Variants in CADPS observed in about 807,000 individuals in gnomAD.
The protein encoded by CADPS is calcium-dependent secretion activator 1.
Under a neutral mutation model 167.3 loss-of-function variants are expected in CADPS, and 57 were observed. That is an observed-to-expected ratio of 0.34 (90% CI 0.28 to 0.42). The LOEUF (loss-of-function observed/expected upper bound fraction) is 0.42. Among genes scored for constraint, CADPS ranks in the 20% least tolerant of loss-of-function variants. The pLI, the probability that CADPS is intolerant of heterozygous loss-of-function variation, is 1.00. For synonymous variants in CADPS, 676 were observed against 635.3 expected, an observed-to-expected ratio of 1.06 and a Z score of -0.96; for missense variants, 1,414 against 1,738.1, an observed-to-expected ratio of 0.81 and a Z score of 3.32.
chr3:62,765,858 C>A lies in CADPS; in HGVS notation c.555+13G>T. On this transcript the variant is annotated intron_variant, in intron 2 of 29. Coordinates refer to ENST00000383710, the MANE Select transcript of CADPS (RefSeq NM_003716.4). Reference sequence around the variant, plus strand: ...TGAGTGGTCTTGGCATTCTTCTGAACAGTGATTCTCACCTCATAGTAACTC... The same window carrying A: ...TGAGTGGTCTTGGCATTCTTCTGAAAAGTGATTCTCACCTCATAGTAACTC... 1 of 1,564,408 alleles carries A rather than the reference C, an allele frequency of 6.4e-7. No homozygotes were observed.
At chr3:62,507,500 G>A (rs2066910952) in intron 17 of CADPS, among the ~76,000 whole-genome samples, 1 of 151,984 alleles carries the variant, frequency 6.6e-6, no homozygotes, top group Non-Finnish European at 1.5e-5. Flanking sequence ...ATAGCTCCTG[G>A]AACCTAGTGG....
intron 4 of CADPS, 107 bp from the exon 5 acceptor site, chr3:62,651,187 G>A (rs2070028678): frequency 2.7e-6 from 2 of 745,628 alleles, no homozygotes; most frequent in South Asian, 1.8e-5. Flanking sequence ...TACTACTAGT[G>A]AAATTCACCC....
chr3:62,705,065 A>T (rs908128807), intron 3 of CADPS, among the ~76,000 whole-genome samples: 3 of 152,128 alleles, frequency 2.0e-5, no homozygotes, highest in Non-Finnish European at 4.4e-5. Context: ...AACCTGGGTT[A>T]AAAGTAACAT....
chr3:62,698,819 A>G (rs1384404594), intron 3 of CADPS, among the ~76,000 whole-genome samples: 2 of 133,566 alleles, frequency 1.5e-5, no homozygotes, highest in Non-Finnish European at 3.0e-5. Flanking sequence ...TGCTCACTGC[A>G]GCCTTGGCCT....
In CADPS at chr3:62,474,236, A is replaced by C. The variant is rs112585082; in HGVS notation, c.3414T>G (p.Phe1138Leu). 2 of 1,604,212 alleles carry C rather than the reference A, an allele frequency of 1.2e-6. No individual in the cohort carries two copies. Among genetic ancestry groups the C allele is most frequent in the African/African-American group, 2.8e-5 (2 of 71,932 alleles). ...GAGCTTTGGCATCAACCATAACATT[A>C]AACATGGTGCATATTGACTGTGGGA... is the stretch of plus-strand genomic sequence containing the variant. ...FRVPQSICTMFNVMVDAKAQS... is the reference protein window; with the variant it reads ...FRVPQSICTMLNVMVDAKAQS... The change falls in exon 24 of 30, where the codon TTT becomes TTG. Residue 1138 changes from phenylalanine (F) to leucine (L), a missense_variant. Around this residue, in one of 6 missense-constraint regions of CADPS, gnomAD observed 19 missense variants for 49.4 expected, o/e 0.38. Coordinates refer to ENST00000383710, the MANE Select transcript of CADPS (RefSeq NM_003716.4).
At chr3:62,645,955 G>A (rs2068461955) in intron 5 of CADPS, 112 bp from the exon 6 acceptor site, 1 of 1,208,622 alleles carries the variant, frequency 8.3e-7, no homozygotes, top group Admixed American at 2.0e-5. Flanking sequence ...GTATCTGATG[G>A]CTTCTGTTAG....
intron 11 of CADPS, among the ~76,000 whole-genome samples, chr3:62,541,118 T>C (rs1480752632): frequency 6.6e-6 from 1 of 152,170 alleles, no homozygotes; most frequent in Non-Finnish European, 1.5e-5. Context: ...GGGAGATGCA[T>C]CCTAATGCTC....
intron 28 of CADPS, among the ~76,000 whole-genome samples, chr3:62,415,996 A>G (rs914286655): frequency 6.6e-6 from 1 of 151,886 alleles, no homozygotes; most frequent in Admixed American, 6.6e-5. Flanking sequence ...CATTCAAAAG[A>G]GTCTTAACAA....
At chr3:62,517,108 T>A (rs2069177888) in intron 14 of CADPS, among the ~76,000 whole-genome samples, 1 of 152,146 alleles carries the variant, frequency 6.6e-6, no homozygotes, top group African/African-American at 2.4e-5. Flanking sequence ...CTTCCCTGCT[T>A]GCGGTTTCCT....
intron 6 of CADPS, among the ~76,000 whole-genome samples, chr3:62,594,005 C>T (rs1305162596): frequency 6.6e-6 from 1 of 152,042 alleles, no homozygotes; most frequent in Non-Finnish European, 1.5e-5. Context: ...TGAAAGATGC[C>T]AAATATAATG....
rs550933376 is a variant in CADPS, at chr3:62,601,848, A to T, written c.1326-9100T>A. ...CACCACTTTGAAAGTGAACACTTTG[A>T]TCTGGGGGAGAAAATGAGGGAGAAG... On this transcript the variant is annotated intron_variant, in intron 6 of 29. Transcript: ENST00000383710. This position sits in a 1 kb window ranked among gnomAD's most constrained non-coding sequence, Gnocchi z 4.3. Among the ~76,000 whole-genome samples, 1 of 152,320 alleles carries T rather than the reference A, an allele frequency of 6.6e-6. No homozygotes were observed. The highest frequency in any genetic ancestry group is 2.1e-4 in the South Asian group (1 of 4,822).
rs3733119 is a variant in CADPS at position 62,589,738 on chromosome 3, G to A, written c.1437+2899C>T. On this transcript the variant is annotated intron_variant, in intron 7 of 29. Coordinates refer to ENST00000383710, the MANE Select transcript of CADPS (RefSeq NM_003716.4). Reference sequence around the variant, plus strand: ...CTTGATCGCTCTGGAGAGGTCTCCCGCTTTCCATGGGAGCAAGTTTTCTCA... The same window carrying A: ...CTTGATCGCTCTGGAGAGGTCTCCCACTTTCCATGGGAGCAAGTTTTCTCA... 6.6e-4 allele frequency among the ~76,000 whole-genome samples: 100 copies of A among 152,246 alleles called. 1 individual carries two copies. The East Asian group carries it at 0.018, about 28-fold the overall frequency.
At position 62,467,168 on chromosome 3, in the gene CADPS, C is replaced by A. The variant is rs1417289470; in HGVS notation, c.3478-755G>T. 4 of 323,818 alleles carry A rather than the reference C, an allele frequency of 1.2e-5. No individual in the cohort carries two copies. The South Asian group carries it at 1.7e-4, about 13-fold the overall frequency. The allele number at this position is 323,818 out of a possible 1,614,324, so 20.1% of individuals were successfully genotyped here. A position where few individuals can be genotyped will look rare whatever the true frequency, so the allele number is the denominator to read the frequency against. ...AGGGAAAAAGGAAAAGTGATTTTAACACAAAATATTATATGCCAGCTCCTT... is the reference window on the plus strand; with the variant it reads ...AGGGAAAAAGGAAAAGTGATTTTAAAACAAAATATTATATGCCAGCTCCTT... On this transcript the variant is annotated intron_variant, in intron 24 of 29. Coordinates refer to ENST00000383710, the MANE Select transcript of CADPS (RefSeq NM_003716.4).
At chr3:62,435,455 C>T (rs537078997) in intron 28 of CADPS, among the ~76,000 whole-genome samples, 1 of 152,314 alleles carries the variant, frequency 6.6e-6, no homozygotes, top group East Asian at 1.9e-4. Flanking sequence ...AATTAAATTA[C>T]TAAGGCTGCA....
chr3:62,844,926 C>T (rs890342998), intron 1 of CADPS, among the ~76,000 whole-genome samples: 18 of 152,054 alleles, frequency 1.2e-4, no homozygotes, highest in African/African-American at 4.3e-4. Flanking sequence ...TTGGCTAGAC[C>T]ACAGGGTCTT....
At chr3:62,791,427 T>A (rs558711917) in intron 1 of CADPS, among the ~76,000 whole-genome samples, 1 of 152,326 alleles carries the variant, frequency 6.6e-6, no homozygotes, top group South Asian at 2.1e-4. Context: ...ACCAGCAGCA[T>A]CAGCATTATC....
intron 28 of CADPS, among the ~76,000 whole-genome samples, chr3:62,425,554 G>A (rs1445469382): frequency 6.6e-6 from 1 of 152,158 alleles, no homozygotes; most frequent in African/African-American, 2.4e-5. Context: ...AAGTACATAT[G>A]TAGTTCTGAT....
chr3:62,417,285 T>C (rs1256240979), intron 28 of CADPS, among the ~76,000 whole-genome samples: 17 of 127,898 alleles, frequency 1.3e-4, no homozygotes, highest in African/African-American at 2.4e-4. Flanking sequence ...TCTTTTTTTT[T>C]TTTTTTTTTT....
chr3:62,476,185 G>A (rs2150681557), intron 23 of CADPS, among the ~76,000 whole-genome samples: 1 of 152,242 alleles, frequency 6.6e-6, no homozygotes, highest in East Asian at 1.9e-4. Flanking sequence ...GTGCCTTATT[G>A]ACTTTTTGTC....
Sources: allele counts gnomAD v4.1 joint callset (sites outside exome capture counted in the v4.1 genomes callset), GRCh38; gene constraint gnomAD v4.1.1; regional missense constraint gnomAD v4.1.1; non-coding constraint Gnocchi (gnomAD v3.1); transcripts MANE v1.5; gene names NCBI Gene and HGNC (gene_info 2026-07-23, HGNC 2026-07-21).